MYO5B: variants seen among roughly 807,000 people sequenced by gnomAD.
MYO5B encodes the protein unconventional myosin-Vb.
In MYO5B, 143 loss-of-function variants were observed where a neutral mutation model predicts 229.3. The ratio of observed to expected loss-of-function variants is 0.62; its 90% CI spans 0.54 to 0.72. MYO5B has a LOEUF of 0.72. Among genes scored for constraint, MYO5B ranks in the 30% least tolerant of loss-of-function variants. The pLI, the probability that MYO5B is intolerant of heterozygous loss-of-function variation, is 0.00. For synonymous variants in MYO5B, 918 were observed against 885.2 expected (o/e 1.04, Z -0.66); for missense variants, 2,321 against 2,331.0 (o/e 1.00, Z 0.09).
intron 4 of MYO5B, among the ~76,000 whole-genome samples, chr18:50,032,114 C>A (rs775202352): frequency 2.0e-4 from 30 of 152,212 alleles, no homozygotes; most frequent in African/African-American, 6.8e-4. Flanking sequence ...GCCCAGAACA[C>A]CCCTGCAGAT....
At chr18:50,039,299 T>C (rs975718729) in intron 3 of MYO5B, among the ~76,000 whole-genome samples, 4 of 152,168 alleles carry the variant, frequency 2.6e-5, no homozygotes, top group Non-Finnish European at 5.9e-5. Flanking sequence ...GAATTTGTGA[T>C]ATAGGAAAGG....
intron 4 of MYO5B, among the ~76,000 whole-genome samples, chr18:50,028,301 T>C (rs1484745895): frequency 6.6e-6 from 1 of 152,122 alleles, no homozygotes; most frequent in Non-Finnish European, 1.5e-5. Context: ...GTAAACAACA[T>C]GAAACACCTG....
chr18:50,154,370 C>A (rs2032647820), intron 1 of MYO5B, among the ~76,000 whole-genome samples: 1 of 152,146 alleles, frequency 6.6e-6, no homozygotes, highest in Non-Finnish European at 1.5e-5. Flanking sequence ...AGAGTTTCTT[C>A]TTTGCACACT....
intron 2 of MYO5B, among the ~76,000 whole-genome samples, chr18:50,044,207 G>T (rs563371658): frequency 1.9e-4 from 29 of 152,318 alleles, no homozygotes; most frequent in African/African-American, 6.7e-4. Flanking sequence ...CAAAGGTGCA[G>T]ATTCTTGGAT....
At chr18:50,115,551 C>CAGAG (rs879809713) in intron 1 of MYO5B, among the ~76,000 whole-genome samples, 21 of 48,320 alleles carry the variant, frequency 4.3e-4, no homozygotes, top group Middle Eastern at 0.011. Context: ...CAGAGAGACA[C>CAGAG]ACACACACAC....
intron 1 of MYO5B, among the ~76,000 whole-genome samples, chr18:50,194,502 C>T (rs929709354): frequency 5.3e-5 from 8 of 152,214 alleles, no homozygotes; most frequent in African/African-American, 1.7e-4. Flanking sequence ...GAGGGGGCGA[C>T]AGCCCTGGCT....
intron 10 of MYO5B, among the ~76,000 whole-genome samples, chr18:49,971,393 A>G (rs2025690618): frequency 6.6e-6 from 1 of 152,168 alleles, no homozygotes; most frequent in African/African-American, 2.4e-5. Context: ...CAGATAAGAC[A>G]CTGTAAGTGG....
rs1598972991 is a variant in MYO5B, at chr18:50,040,419, A to C, written c.139-105T>G. The C allele has an allele frequency of 3.6e-6, 4 of 1,108,002 alleles. No individual in the cohort carries two copies. The East Asian group carries it at 9.4e-5, about 26-fold the overall frequency. The allele number at this position is 1,108,002 out of a possible 1,614,324, so 68.6% of individuals were successfully genotyped here. A position where few individuals can be genotyped will look rare whatever the true frequency, so the allele number is the denominator to read the frequency against. ...GGAATCACCATCTTAACATGATAGT[A>C]AGTAATGAAGATAATGTTTTAAAGA... On this transcript the variant is annotated intron_variant, in intron 2 of 39. Coordinates refer to ENST00000285039, the MANE Select transcript of MYO5B (RefSeq NM_001080467.3).
chr18:50,113,283 G>C (rs1188445780), intron 1 of MYO5B, among the ~76,000 whole-genome samples: 2 of 152,214 alleles, frequency 1.3e-5, no homozygotes, highest in East Asian at 3.8e-4. Context: ...TCCTAAAGCA[G>C]TATCAAGGGG....
At chr18:49,855,283 C>T (rs1468387422) in intron 30 of MYO5B, among the ~76,000 whole-genome samples, 1 of 152,218 alleles carries the variant, frequency 6.6e-6, no homozygotes, top group Non-Finnish European at 1.5e-5. Flanking sequence ...TCTGTTCCTA[C>T]TTAAACATTA....
chr18:49,879,127 T>C lies in MYO5B; in HGVS notation c.3131-37A>G, dbSNP rs763100287. 8.1e-6 allele frequency: 13 copies of C among 1,613,772 alleles called. No individual in the cohort carries two copies. In the African/African-American group the frequency reaches 1.5e-4, roughly 18 times the overall value. On this transcript the variant is annotated intron_variant, in intron 23 of 39. Transcript: ENST00000285039. ...CACGCTAAGCTGCAGTTTTTCTGGA[T>C]GGATTCCCTCACATGTATTGACTCA...
Position 50,001,246 on chromosome 18 carries a change from A to T in MYO5B, c.612+9T>A. ...AGCCAGGAAGGCCAGGACACCTAGA[A>T]GGCTTTACCTCCATGATGGGACTGG... On this transcript the variant is annotated intron_variant, in intron 5 of 39. Coordinates refer to ENST00000285039, the MANE Select transcript of MYO5B (RefSeq NM_001080467.3). 1 of 1,614,094 alleles carries T rather than the reference A, an allele frequency of 6.2e-7. No homozygotes were observed. Among genetic ancestry groups the T allele is most frequent in the Non-Finnish European group, 8.5e-7 (1 of 1,179,974 alleles).
chr18:49,937,217 A>C (rs1790797), intron 15 of MYO5B, 28 bp downstream of exon 15: 1 of 1,613,452 alleles, frequency 6.2e-7, no homozygotes, highest in Non-Finnish European at 8.5e-7. Context: ...CATGCACCTC[A>C]GCCCATAGCT....
intron 1 of MYO5B, among the ~76,000 whole-genome samples, chr18:50,139,770 A>G (rs995399176): frequency 6.6e-6 from 1 of 152,166 alleles, no homozygotes; most frequent in African/African-American, 2.4e-5. Flanking sequence ...GCAAAGCAGC[A>G]GGTCCGGCAG....
At chr18:50,042,570 G>T (rs769065037) in intron 2 of MYO5B, among the ~76,000 whole-genome samples, 3 of 152,094 alleles carry the variant, frequency 2.0e-5, no homozygotes, top group Non-Finnish European at 4.4e-5. Flanking sequence ...TTTCCAAAAG[G>T]TGGGAACAGG....
chr18:49,963,041 G>A lies in MYO5B; in HGVS notation c.1323-11C>T, dbSNP rs1278508230. On this transcript the variant is annotated splice_polypyrimidine_tract_variant and intron_variant, in intron 10 of 39. Coordinates refer to ENST00000285039, the MANE Select transcript of MYO5B (RefSeq NM_001080467.3). The stretch of plus-strand genomic sequence containing the variant: ...TCAAATGTCTCAAACCTACAGAATG[G>A]AAAGAGAAGATAAGAGACGTCTCCT... 3 of 1,610,420 alleles carry A rather than the reference G, an allele frequency of 1.9e-6. No homozygotes were observed. The highest frequency in any genetic ancestry group is 4.5e-5 in the East Asian group (2 of 44,864).
At chr18:49,860,373 A>G (rs1214615264) in intron 29 of MYO5B, among the ~76,000 whole-genome samples, 2 of 152,112 alleles carry the variant, frequency 1.3e-5, no homozygotes, top group Non-Finnish European at 2.9e-5. Flanking sequence ...CCCAGCACCC[A>G]GCTCATGTTC....
chr18:49,947,487 T>A (rs2144233731), intron 14 of MYO5B, among the ~76,000 whole-genome samples: 1 of 152,330 alleles, frequency 6.6e-6, no homozygotes, highest in African/African-American at 2.4e-5. Context: ...AATTTTTATT[T>A]TTTAATTGAC....
Position 49,965,483 on chromosome 18 carries a change from A to ACACACACACACC in MYO5B, c.1323-2454_1323-2453insGGTGTGTGTGTG, listed in dbSNP as rs1351541282. Among the ~76,000 whole-genome samples, 574 of 148,940 alleles carry ACACACACACACC rather than the reference A, an allele frequency of 3.9e-3. 5 individuals are homozygous for ACACACACACACC. Among genetic ancestry groups the ACACACACACACC allele is most frequent in the Middle Eastern group, 0.014 (4 of 290 alleles). ...CACACACACACACACACACACACAC[A>ACACACACACACC]CCTCTTCTCATTCTATACTGCCCAA... is the stretch of plus-strand genomic sequence containing the variant. On this transcript the variant is annotated intron_variant, in intron 10 of 39. Coordinates refer to ENST00000285039, the MANE Select transcript of MYO5B (RefSeq NM_001080467.3).
Sources: allele counts gnomAD v4.1 joint callset (sites outside exome capture counted in the v4.1 genomes callset), GRCh38; gene constraint gnomAD v4.1.1; transcripts MANE v1.5; gene names NCBI Gene and HGNC (gene_info 2026-07-23, HGNC 2026-07-21).